Variants in SLC9A3 observed in about 807,000 individuals in gnomAD.
SLC9A3 encodes the protein sodium/hydrogen exchanger 3.
In SLC9A3, 37 loss-of-function variants were observed where a neutral mutation model predicts 86.8. That is an observed-to-expected ratio of 0.43 (90% CI 0.33 to 0.56). The LOEUF (loss-of-function observed/expected upper bound fraction) is 0.56. SLC9A3 is among the 20% of genes least tolerant of loss of function. SLC9A3 has a pLI of 0.06. For missense variants in SLC9A3, 1,011 were observed against 1,171.9 expected (o/e 0.86, Z 2.00); for synonymous variants, 581 against 528.3 (o/e 1.10, Z -1.37).
At position 472,325 on chromosome 5, in the gene SLC9A3, G is replaced by A. The variant is rs1028892075; in HGVS notation, c.*1054C>T. The A allele has an allele frequency of 8.9e-6, 3 of 337,534 alleles. No individual in the cohort carries two copies. The highest frequency in any genetic ancestry group is 4.4e-5 in the Admixed American group (1 of 22,908). 20.9% of individuals were successfully genotyped at this position (337,534 alleles called of 1,614,324 possible). On this transcript the variant is annotated 3_prime_UTR_variant, in exon 17 of 17. Transcript: ENST00000264938. ...GGTCTCAGCAGGTTCTCCTTGGAGG[G>A]CCTGAGCCTGGTAGGGGGGCGGTGC...
Position 476,592 on chromosome 5 carries a change from A to G in SLC9A3, c.1841T>C (p.Met614Thr), listed in dbSNP as rs1331094504. ...RRRSIRDAED[M>T]VTHHTLQQYL... ...CTGCTGTAGCGTGTGGTGCGTGACC[A>G]TGTCCTCCGCGTCCCGGATGCTCCG... is the stretch of plus-strand genomic sequence containing the variant. Residue 614 changes from methionine (M) to threonine (T), a missense_variant, in exon 12 of 17, where the codon ATG (methionine) becomes ACG (threonine). Around this residue, in one of 3 missense-constraint regions of SLC9A3, gnomAD observed 397 missense variants for 346.3 expected, o/e 1.15. Coordinates refer to ENST00000264938, the MANE Select transcript of SLC9A3 (RefSeq NM_004174.4). 1.2e-6 allele frequency: 2 copies of G among 1,611,074 alleles called. No homozygotes were observed. The highest frequency in any genetic ancestry group is 2.2e-5 in the East Asian group (1 of 44,888).
Position 472,088 on chromosome 5 carries a change from C to T in SLC9A3, c.*1291G>A. 1 of 432,640 alleles carries T rather than the reference C, an allele frequency of 2.3e-6. No homozygotes were observed. The highest frequency in any genetic ancestry group is 4.7e-6 in the Non-Finnish European group (1 of 214,518). 26.8% of individuals were successfully genotyped at this position (432,640 alleles called of 1,614,324 possible). A position where few individuals can be genotyped will look rare whatever the true frequency, so the allele number is the denominator to read the frequency against. On this transcript the variant is annotated 3_prime_UTR_variant, in exon 17 of 17. Coordinates refer to ENST00000264938, the MANE Select transcript of SLC9A3 (RefSeq NM_004174.4). ...AGGCAGGTTTCAGGTGGGTTGGACC[C>T]TGTGGGACTTGCCGTCTGAGGGATG...
intron 1 of SLC9A3, among the ~76,000 whole-genome samples, chr5:501,664 G>A (rs142231305): frequency 1.1e-4 from 17 of 152,288 alleles, no homozygotes; most frequent in Admixed American, 7.2e-4. Flanking sequence ...TCTGCCACCC[G>A]CCCCTGCAGG....
In SLC9A3 at chr5:471,553, C is replaced by T. The variant is rs552263750; in HGVS notation, c.*1826G>A. ...GGGAAGGCCAGGCCCCGGCCTGCTC[C>T]GATGAACGTCAGGACGGTGGCTGCA... is the stretch of plus-strand genomic sequence containing the variant. On this transcript the variant is annotated 3_prime_UTR_variant, in exon 17 of 17. Coordinates refer to ENST00000264938, the MANE Select transcript of SLC9A3 (RefSeq NM_004174.4). 4.3e-5 allele frequency: 15 copies of T among 351,674 alleles called. No individual in the cohort carries two copies. Among genetic ancestry groups the T allele is most frequent in the South Asian group, 1.3e-4 (6 of 46,596 alleles). 21.8% of individuals were successfully genotyped at this position (351,674 alleles called of 1,614,324 possible). A position where few individuals can be genotyped will look rare whatever the true frequency, so the allele number is the denominator to read the frequency against.
chr5:477,673 A>T, intron 10 of SLC9A3: 1 of 510,718 alleles, frequency 2.0e-6, no homozygotes, highest in South Asian at 2.5e-5. Context: ...TGCTGCCTGA[A>T]CTGGGCAGAG....
At chr5:480,125 T>TCCGC in intron 9 of SLC9A3, 160 bp from the exon 10 acceptor site, 1 of 685,684 alleles carries the variant, frequency 1.5e-6, no homozygotes, top group Non-Finnish European at 2.4e-6. Context: ...GCCCAGGCCG[T>TCCGC]CCGCCGTTCT....
intron 1 of SLC9A3, among the ~76,000 whole-genome samples, chr5:494,908 G>A (rs966340806): frequency 6.6e-6 from 1 of 152,222 alleles, no homozygotes; most frequent in South Asian, 2.1e-4. Context: ...TCCCAGGCTG[G>A]CTCCTGGAGG....
At chr5:502,567 T>G (rs1459077107) in intron 1 of SLC9A3, among the ~76,000 whole-genome samples, 2 of 152,036 alleles carry the variant, frequency 1.3e-5, no homozygotes, top group African/African-American at 4.8e-5. Flanking sequence ...CCAGCTCAAA[T>G]CAGAGGAGAA....
chr5:474,257 A>AG lies in SLC9A3; in HGVS notation c.2501+625dup, dbSNP rs764329736. ...CAGCGCGCGCGAGGCGGAGACCTGGAGGAGAGGAGCTGCGGAGAGGGGTTA... is the reference window on the plus strand; with the variant it reads ...CAGCGCGCGCGAGGCGGAGACCTGGAGGGAGAGGAGCTGCGGAGAGGGGTTA... On this transcript the variant is annotated intron_variant, in intron 16 of 16. Transcript: ENST00000264938. Among the ~76,000 whole-genome samples the AG allele has an allele frequency of 5.9e-3, 83 of 13,952 alleles. 21 individuals carry two copies. The highest frequency in any genetic ancestry group is 0.022 in the Middle Eastern group (1 of 46). The allele number at this position is 13,952 out of a possible 152,430, so 9.2% of individuals were successfully genotyped here.
chr5:513,446 C>T (rs1373615918), intron 1 of SLC9A3, among the ~76,000 whole-genome samples: 1 of 152,148 alleles, frequency 6.6e-6, no homozygotes, highest in Non-Finnish European at 1.5e-5. Context: ...GCTCAAGTGC[C>T]CCCTAAAAGC....
chr5:503,466 C>T (rs547564816), intron 1 of SLC9A3, among the ~76,000 whole-genome samples: 9 of 152,240 alleles, frequency 5.9e-5, no homozygotes, highest in South Asian at 2.1e-4. Context: ...TGAGCCTGGG[C>T]GGGTTGAGGC....
At position 488,849 on chromosome 5, in the gene SLC9A3, G is replaced by C. The variant is rs565067012; in HGVS notation, c.515-373C>G. On this transcript the variant is annotated intron_variant, in intron 2 of 16. Transcript: ENST00000264938. ...GGAGAAGCAAGTGGGGCTGACCCAG[G>C]ACGGGCCCGGAGCCGGGACACACAG... Among the ~76,000 whole-genome samples, 212 of 152,340 alleles carry C rather than the reference G, an allele frequency of 1.4e-3. 1 individual carries two copies. Among genetic ancestry groups the C allele is most frequent in the Non-Finnish European group, 2.3e-3 (156 of 68,018 alleles).
chr5:510,004 C>T (rs114015314), intron 1 of SLC9A3, among the ~76,000 whole-genome samples: 3,227 of 152,272 alleles, frequency 0.021, 54 homozygotes, highest in Non-Finnish European at 0.032. Context: ...GGGGAGGCTT[C>T]GGGAGAAGAG....
chr5:482,420 C>A (rs1739248274), intron 7 of SLC9A3, 128 bp downstream of exon 7: 1 of 797,562 alleles, frequency 1.3e-6, no homozygotes, highest in Admixed American at 2.4e-5. Context: ...TACAAAACGG[C>A]TCCTAGTTAC....
intron 3 of SLC9A3, among the ~76,000 whole-genome samples, chr5:485,825 T>C (rs1362468526): frequency 1.3e-5 from 2 of 151,728 alleles, no homozygotes; most frequent in African/African-American, 4.8e-5. Flanking sequence ...GGGGCAGGCG[T>C]GTAAGTTGGG....
chr5:523,137 G>A (rs1156949972), intron 1 of SLC9A3, among the ~76,000 whole-genome samples: 1 of 152,196 alleles, frequency 6.6e-6, no homozygotes, highest in African/African-American at 2.4e-5. Context: ...GGAGACCCTG[G>A]CATAAATAGG....
chr5:515,154 C>T (rs1238832057), intron 1 of SLC9A3, among the ~76,000 whole-genome samples: 1 of 151,998 alleles, frequency 6.6e-6, no homozygotes, highest in Non-Finnish European at 1.5e-5. Flanking sequence ...GGGGAGATTT[C>T]TCGGTCTCCC....
intron 1 of SLC9A3, among the ~76,000 whole-genome samples, chr5:510,428 G>A (rs1254558961): frequency 1.3e-5 from 2 of 152,216 alleles, no homozygotes; most frequent in African/African-American, 4.8e-5. Context: ...GCCCAGGGGT[G>A]GAGACCTCAC....
intron 1 of SLC9A3, among the ~76,000 whole-genome samples, chr5:517,863 A>C (rs1309347397): frequency 6.7e-6 from 1 of 149,126 alleles, no homozygotes; most frequent in African/African-American, 2.5e-5. Flanking sequence ...CTGACCATTC[A>C]CTCATCCATC....
Sources: gnomAD v4.1 joint callset for allele counts (sites outside exome capture counted in the v4.1 genomes callset) on GRCh38, gnomAD v4.1.1 for gene constraint, gnomAD v4.1.1 regional missense constraint, MANE v1.5 for transcripts, NCBI Gene and HGNC (gene_info 2026-07-23, HGNC 2026-07-21) for gene names.